Variants in KCMF1 observed in about 807,000 individuals in gnomAD.
The protein encoded by KCMF1 is potassium channel modulatory factor 1.
In KCMF1, 3 loss-of-function variants were observed where a neutral mutation model predicts 41.1. The ratio of observed to expected loss-of-function variants is 0.07; its 90% CI spans 0.03 to 0.19. The LOEUF (loss-of-function observed/expected upper bound fraction) is 0.19, where lower values mean the gene tolerates loss of function less well. Among genes scored for constraint, KCMF1 ranks in the 10% least tolerant of loss-of-function variants. The probability of loss-of-function intolerance (pLI) is 1.00; values close to 1 mark genes in which losing one functional copy is unlikely to be tolerated. For missense variants in KCMF1, 286 were observed against 488.9 expected (o/e 0.58, Z 3.91); for synonymous variants, 142 against 164.5 (o/e 0.86, Z 1.04).
chr2:85,005,644 A>G (rs1674453842), intron 1 of KCMF1, among the ~76,000 whole-genome samples: 1 of 152,182 alleles, frequency 6.6e-6, no homozygotes, highest in African/African-American at 2.4e-5. Context: ...TCTAGGGTAC[A>G]TGGTGATACT....
In KCMF1 at chr2:85,057,311, C is replaced by A. The variant is rs990432873; in HGVS notation, c.*3902C>A. 3 of 152,124 alleles carry A rather than the reference C, an allele frequency of 2.0e-5. No individual in the cohort carries two copies. Among genetic ancestry groups the A allele is most frequent in the Non-Finnish European group, 4.4e-5 (3 of 68,030 alleles). The allele number at this position is 152,124 out of a possible 1,614,324, so 9.4% of individuals were successfully genotyped here. ...AGCTCAACTAGACACTAAAACAGTT[C>A]TCTCCTTGAGACCGGAAGTGGGATG... On this transcript the variant is annotated 3_prime_UTR_variant, in exon 7 of 7. Coordinates refer to ENST00000409785, the MANE Select transcript of KCMF1 (RefSeq NM_020122.5).
intron 5 of KCMF1, among the ~76,000 whole-genome samples, chr2:85,048,533 T>G (rs1228929536): frequency 6.6e-6 from 1 of 152,252 alleles, no homozygotes; most frequent in Non-Finnish European, 1.5e-5. Flanking sequence ...GAGTTTTTGC[T>G]GGCCTGAAAG....
At chr2:85,028,245 C>T (rs148914819) in intron 2 of KCMF1, among the ~76,000 whole-genome samples, 189 bp downstream of exon 2, 19 of 151,828 alleles carry the variant, frequency 1.3e-4, no homozygotes, top group African/African-American at 2.9e-4. Context: ...TGCAATGGCG[C>T]GATCTTGGCT....
At chr2:85,004,491 G>C (rs1476377963) in intron 1 of KCMF1, among the ~76,000 whole-genome samples, 2 of 151,448 alleles carry the variant, frequency 1.3e-5, no homozygotes, top group Admixed American at 6.6e-5. Context: ...CAGCCTGGGC[G>C]ACAGAGCAAG....
At chr2:84,998,665 T>C (rs1674235496) in intron 1 of KCMF1, among the ~76,000 whole-genome samples, 1 of 149,854 alleles carries the variant, frequency 6.7e-6, no homozygotes. Context: ...CAGTGATACG[T>C]GATCCCGGTT....
chr2:85,004,659 A>G (rs1674422680), intron 1 of KCMF1, among the ~76,000 whole-genome samples: 1 of 152,134 alleles, frequency 6.6e-6, no homozygotes, highest in Admixed American at 6.6e-5. Flanking sequence ...AGGTGGGCAC[A>G]GGGTCTGTCT....
At chr2:84,991,279 T>G (rs576710323) in intron 1 of KCMF1, among the ~76,000 whole-genome samples, 1 of 152,282 alleles carries the variant, frequency 6.6e-6, no homozygotes, top group Admixed American at 6.5e-5. Flanking sequence ...AGAAGCATTT[T>G]GGAGATGGAG....
chr2:84,998,746 G>A (rs947120945), intron 1 of KCMF1, among the ~76,000 whole-genome samples: 2 of 151,316 alleles, frequency 1.3e-5, no homozygotes, highest in African/African-American at 4.9e-5. Context: ...GGGATTACAG[G>A]CGTGTACCAC....
chr2:85,001,499 C>A (rs1558570531), intron 1 of KCMF1, among the ~76,000 whole-genome samples: 1 of 152,118 alleles, frequency 6.6e-6, no homozygotes, highest in African/African-American at 2.4e-5. Context: ...TTTTTAGTTT[C>A]CTTCTTGAAT....
chr2:85,028,079 A>G (rs1675156485), intron 2 of KCMF1, 23 bp downstream of exon 2: 1 of 1,474,400 alleles, frequency 6.8e-7, no homozygotes, highest in South Asian at 1.2e-5. Context: ...AAATTTAATG[A>G]ATTACATCAT....
chr2:85,001,478 A>T (rs189696747), intron 1 of KCMF1, among the ~76,000 whole-genome samples: 2,326 of 152,228 alleles, frequency 0.015, 30 homozygotes, highest in South Asian at 0.063. Context: ...ACATAATTTT[A>T]AAGTTTTGGG....
chr2:85,050,287 C>T (rs533494935), intron 6 of KCMF1, among the ~76,000 whole-genome samples: 8 of 152,130 alleles, frequency 5.3e-5, no homozygotes, highest in East Asian at 1.9e-4. Flanking sequence ...TCATAATTAA[C>T]GTTGCTTGTT....
intron 3 of KCMF1, among the ~76,000 whole-genome samples, chr2:85,036,121 CCACTGA>C (rs1675396867): frequency 6.6e-6 from 1 of 152,098 alleles, no homozygotes; most frequent in Admixed American, 6.6e-5. Context: ...ACTTTTATTC[CCACTGA>C]CACTGCTAGT....
At chr2:85,026,878 T>G (rs184491206) in intron 1 of KCMF1, among the ~76,000 whole-genome samples, 1 of 152,226 alleles carries the variant, frequency 6.6e-6, no homozygotes, top group African/African-American at 2.4e-5. Context: ...TTCTTTCTGA[T>G]GGTGCTTTGT....
chr2:84,985,541 T>C (rs982087803), intron 1 of KCMF1, among the ~76,000 whole-genome samples: 1 of 152,142 alleles, frequency 6.6e-6, no homozygotes, highest in Non-Finnish European at 1.5e-5. Flanking sequence ...TGTAAAACCC[T>C]TGGGCCTGGC....
At position 85,056,739 on chromosome 2, in the gene KCMF1, AGT is replaced by A. The variant is rs1202643829; in HGVS notation, c.*3334_*3335del. 1 of 152,184 alleles carries A rather than the reference AGT, an allele frequency of 6.6e-6. No individual in the cohort carries two copies. The highest frequency in any genetic ancestry group is 1.5e-5 in the Non-Finnish European group (1 of 68,048). The allele number at this position is 152,184 out of a possible 1,614,324, so 9.4% of individuals were successfully genotyped here. ...TGATACAGGCATGTGTAAAAAACTA[AGT>A]GTGATGGAGGAATGGGTGCTAAAAG... is the stretch of plus-strand genomic sequence containing the variant. On this transcript the variant is annotated 3_prime_UTR_variant, in exon 7 of 7. Transcript: ENST00000409785.
At chr2:84,972,579 T>G (rs1386650802) in intron 1 of KCMF1, among the ~76,000 whole-genome samples, 2 of 152,212 alleles carry the variant, frequency 1.3e-5, no homozygotes, top group Non-Finnish European at 2.9e-5. Flanking sequence ...GTACTCCGGA[T>G]TTTAAAATCC....
chr2:84,994,566 G>C (rs748018231), intron 1 of KCMF1, among the ~76,000 whole-genome samples: 1 of 152,130 alleles, frequency 6.6e-6, no homozygotes, highest in Non-Finnish European at 1.5e-5. Context: ...GCCACACCCA[G>C]CTAATTTTGC....
intron 4 of KCMF1, among the ~76,000 whole-genome samples, chr2:85,045,131 T>G (rs906453359): frequency 6.6e-6 from 1 of 152,050 alleles, no homozygotes; most frequent in African/African-American, 2.4e-5. Flanking sequence ...TCCCAGCTAC[T>G]CAAGAGGCTG....
Sources: allele counts gnomAD v4.1 joint callset (sites outside exome capture counted in the v4.1 genomes callset), GRCh38; gene constraint gnomAD v4.1.1; transcripts MANE v1.5; gene names NCBI Gene and HGNC (gene_info 2026-07-23, HGNC 2026-07-21).